Variants in SLC30A9 observed in about 807,000 individuals in gnomAD.
SLC30A9 encodes the protein proton-coupled zinc antiporter SLC30A9, mitochondrial.
SLC30A9 carries 58 observed loss-of-function variants against 87.5 expected under a neutral mutation model. The ratio of observed to expected loss-of-function variants is 0.66; its 90% CI spans 0.54 to 0.82. The LOEUF (loss-of-function observed/expected upper bound fraction) is 0.82. Ranked by LOEUF, SLC30A9 falls within the 40% of genes least tolerant of loss-of-function variation. The pLI, the probability that SLC30A9 is intolerant of heterozygous loss-of-function variation, is 0.00. For missense variants in SLC30A9, 557 were observed against 679.1 expected (o/e 0.82, Z 2.00); for synonymous variants, 234 against 233.0 (o/e 1.00, Z -0.04).
At chr4:42,010,245 GA>G in intron 2 of SLC30A9, among the ~76,000 whole-genome samples, 1 of 152,148 alleles carries the variant, frequency 6.6e-6, no homozygotes, top group Admixed American at 6.5e-5. Context: ...AGGCCAAGGT[GA>G]AGGATCCCTT....
Position 42,021,917 on chromosome 4 carries a change from A to ATTTTTT in SLC30A9, c.435-897_435-892dup, listed in dbSNP as rs1180421350. Among the ~76,000 whole-genome samples, 15 of 39,946 alleles carry ATTTTTT rather than the reference A, an allele frequency of 3.8e-4. 1 individual carries two copies. Among genetic ancestry groups the ATTTTTT allele is most frequent in the African/African-American group, 9.0e-4 (14 of 15,482 alleles). The allele number at this position is 39,946 out of a possible 152,430, so 26.2% of individuals were successfully genotyped here. A position where few individuals can be genotyped will look rare whatever the true frequency, so the allele number is the denominator to read the frequency against. The stretch of plus-strand genomic sequence containing the variant: ...GGCTGTGCGCCACCACGCCTGGCTA[A>ATTTTTT]TTTTTTTTTTTTTTTTTTTTTTTTT... On this transcript the variant is annotated intron_variant, in intron 4 of 17. Transcript: ENST00000264451.
chr4:42,081,935 C>T (rs1372013463), intron 17 of SLC30A9, among the ~76,000 whole-genome samples: 1 of 152,020 alleles, frequency 6.6e-6, no homozygotes, highest in South Asian at 2.1e-4. Flanking sequence ...AAAGCATGGC[C>T]GGGCGCGTGC....
At chr4:42,003,972 C>T (rs1715090150) in intron 2 of SLC30A9, among the ~76,000 whole-genome samples, 1 of 152,186 alleles carries the variant, frequency 6.6e-6, no homozygotes, top group Non-Finnish European at 1.5e-5. Flanking sequence ...TCTGTCTATT[C>T]TGCTCTTTCT....
chr4:41,998,399 A>G (rs966323571), intron 1 of SLC30A9, among the ~76,000 whole-genome samples: 8 of 151,996 alleles, frequency 5.3e-5, no homozygotes, highest in African/African-American at 1.7e-4. Flanking sequence ...AAAAAAGAAT[A>G]TTAATGGTGG....
intron 17 of SLC30A9, among the ~76,000 whole-genome samples, chr4:42,079,606 A>T (rs1179596367): frequency 1.4e-5 from 2 of 140,250 alleles, no homozygotes; most frequent in South Asian, 2.3e-4. Flanking sequence ...ACCCAGTCAC[A>T]TTTTTTTTTT....
intron 8 of SLC30A9, among the ~76,000 whole-genome samples, chr4:42,046,635 T>A (rs1257530284): frequency 6.6e-6 from 1 of 152,084 alleles, no homozygotes; most frequent in Non-Finnish European, 1.5e-5. Flanking sequence ...ATAATCAATA[T>A]CATGAAAATG....
chr4:42,027,628 A>T (rs751507260), intron 6 of SLC30A9, among the ~76,000 whole-genome samples: 1 of 152,210 alleles, frequency 6.6e-6, no homozygotes, highest in Non-Finnish European at 1.5e-5. Context: ...AGTTAAAGGA[A>T]TACAATATAT....
At chr4:42,055,379 TTTTA>T (rs893767868) in intron 9 of SLC30A9, among the ~76,000 whole-genome samples, 1 of 77,220 alleles carries the variant, frequency 1.3e-5, no homozygotes, top group African/African-American at 2.6e-5. Flanking sequence ...TAATGTAGTT[TTTTA>T]TTTATTTATT....
At chr4:42,018,588 A>G (rs1337509676) in intron 3 of SLC30A9, 1 of 346,030 alleles carries the variant, frequency 2.9e-6, no homozygotes, top group African/African-American at 2.2e-5. Flanking sequence ...TCTGTATAAC[A>G]AGCTGTGGTT....
intron 2 of SLC30A9, among the ~76,000 whole-genome samples, chr4:42,005,209 A>G (rs2153133379): frequency 6.6e-6 from 1 of 152,120 alleles, no homozygotes; most frequent in South Asian, 2.1e-4. Context: ...ATGTTTTTGT[A>G]TCTTGAAAGT....
At position 42,060,221 on chromosome 4, in the gene SLC30A9, G is replaced by T. The variant is rs371887179; in HGVS notation, c.871G>T (p.Val291Phe). Reference protein sequence around the residue: ...GLLALGISKSVQTPDPSHPYG... With the variant: ...GLLALGISKSFQTPDPSHPYG... ...ACTAGCATTGGGCATCAGTAAGTCT[G>T]TTCAAACACCAGATCCTTCTCATCC... The change falls in exon 10 of 18, where the codon GTT (valine) becomes TTT (phenylalanine). Residue 291 changes from valine (V) to phenylalanine (F), a missense_variant. Around this residue, in one of 2 missense-constraint regions of SLC30A9, gnomAD observed 467 missense variants for 529.8 expected, o/e 0.88. Transcript: ENST00000264451. 6.2e-7 allele frequency: 1 copy of T among 1,612,648 alleles called. No homozygotes were observed. Among genetic ancestry groups the T allele is most frequent in the Non-Finnish European group, 8.5e-7 (1 of 1,179,094 alleles).
At chr4:42,079,684 C>T (rs994791842) in intron 17 of SLC30A9, among the ~76,000 whole-genome samples, 49 of 151,918 alleles carry the variant, frequency 3.2e-4, no homozygotes, top group African/African-American at 5.1e-4. Flanking sequence ...CTCAGCTCAC[C>T]GCAGCCTCCG....
At position 42,064,052 on chromosome 4, in the gene SLC30A9, G is replaced by A. The variant is rs533917853; in HGVS notation, c.1032+931G>A. Among the ~76,000 whole-genome samples, 4 of 152,258 alleles carry A rather than the reference G, an allele frequency of 2.6e-5. No homozygotes were observed. In the South Asian group the frequency reaches 8.3e-4, roughly 32 times the overall value. On this transcript the variant is annotated intron_variant, in intron 11 of 17. Coordinates refer to ENST00000264451, the MANE Select transcript of SLC30A9 (RefSeq NM_006345.4). ...CTGATACAGCCAATATCAGTTAGTA[G>A]GCTTGCGTATGGATGTATCACTCAG...
At chr4:42,085,133 GCTGT>G (rs896911561) in intron 17 of SLC30A9, among the ~76,000 whole-genome samples, 2 of 152,156 alleles carry the variant, frequency 1.3e-5, no homozygotes, top group African/African-American at 4.8e-5. Context: ...CACTTTGCAG[GCTGT>G]CTGACTTTGC....
At chr4:42,051,281 AT>A (rs1480736448) in intron 9 of SLC30A9, among the ~76,000 whole-genome samples, 11 of 152,318 alleles carry the variant, frequency 7.2e-5, no homozygotes, top group African/African-American at 1.9e-4. Context: ...TCTTCAAATA[AT>A]TTAATCACTT....
intron 17 of SLC30A9, among the ~76,000 whole-genome samples, chr4:42,079,847 A>T (rs1212519002): frequency 1.3e-5 from 2 of 151,630 alleles, no homozygotes; most frequent in Non-Finnish European, 2.9e-5. Context: ...TGAACTCCTG[A>T]CCTTGTGATG....
intron 2 of SLC30A9, among the ~76,000 whole-genome samples, chr4:42,003,553 T>G (rs370718213): frequency 3.3e-5 from 5 of 152,250 alleles, no homozygotes; most frequent in South Asian, 4.1e-4. Context: ...CAGCTACTGT[T>G]TTTCTTTAGT....
chr4:42,029,756 G>T lies in SLC30A9; in HGVS notation c.611-5519G>T. ...AACCACATGTTATTATAAAGCTCAA[G>T]TGAGTTCTAGGCTTCAAACCTAAGT... On this transcript the variant is annotated intron_variant, in intron 6 of 17. Coordinates refer to ENST00000264451, the MANE Select transcript of SLC30A9 (RefSeq NM_006345.4). 4.1e-6 allele frequency: 3 copies of T among 729,424 alleles called. No homozygotes were observed. The South Asian group carries it at 4.2e-5, about 10-fold the overall frequency. 45.2% of individuals were successfully genotyped at this position (729,424 alleles called of 1,614,324 possible).
intron 2 of SLC30A9, among the ~76,000 whole-genome samples, chr4:42,011,336 C>T (rs1403891760): frequency 2.0e-5 from 3 of 152,172 alleles, no homozygotes; most frequent in African/African-American, 4.8e-5. Flanking sequence ...ATCTGATTAC[C>T]TCCTCCTGGT....
Sources: gnomAD v4.1 joint callset for allele counts (sites outside exome capture counted in the v4.1 genomes callset) on GRCh38, gnomAD v4.1.1 for gene constraint, gnomAD v4.1.1 regional missense constraint, MANE v1.5 for transcripts, NCBI Gene and HGNC (gene_info 2026-07-23, HGNC 2026-07-21) for gene names.